EYS: variants seen among roughly 807,000 people sequenced by gnomAD.
EYS encodes protein eyes shut homolog.
EYS carries 250 observed loss-of-function variants against 282.1 expected under a neutral mutation model. The ratio of observed to expected loss-of-function variants is 0.89; its 90% confidence interval spans 0.80 to 0.98. EYS has a LOEUF of 0.98. EYS is among the 50% of genes least tolerant of loss of function. The pLI is 0.00. For missense variants in EYS, 4,016 were observed against 3,709.0 expected (o/e 1.08, Z -2.15); for synonymous variants, 1,355 against 1,282.9 (o/e 1.06, Z -1.20).
At chr6:65,065,658 C>T (rs1433098220) in intron 12 of EYS, among the ~76,000 whole-genome samples, 3 of 152,092 alleles carry the variant, frequency 2.0e-5, no homozygotes, top group African/African-American at 7.2e-5. Context: ...GCTGGGATTA[C>T]AGGCGTGAGC....
At chr6:63,743,362 T>C (rs1769131915) in intron 41 of EYS, among the ~76,000 whole-genome samples, 1 of 152,210 alleles carries the variant, frequency 6.6e-6, no homozygotes, top group Non-Finnish European at 1.5e-5. Flanking sequence ...AGAATTCTAA[T>C]TAGAATTCAA....
At position 65,641,131 on chromosome 6, in the gene EYS, TG is replaced by T. The variant is rs566757362; in HGVS notation, c.-447-1240del. Among the ~76,000 whole-genome samples the T allele has an allele frequency of 8.4e-4, 128 of 152,310 alleles. 1 individual carries two copies. Among genetic ancestry groups the T allele is most frequent in the African/African-American group, 2.5e-3 (102 of 41,564 alleles). On this transcript the variant is annotated intron_variant, in intron 1 of 42. Transcript: ENST00000503581. ...TTCCCTATATGCTTCCAGGTTATAG[TG>T]GGCCAAAATAGAAGTTGGTACATGA...
In EYS at chr6:64,782,760, T is replaced by C. The variant is rs145568260; in HGVS notation, c.3443+30618A>G. On this transcript the variant is annotated intron_variant, in intron 22 of 42. Coordinates refer to ENST00000503581, the MANE Select transcript of EYS (RefSeq NM_001142800.2). ...TAAAGTCCATATGTAAAAGAATAGT[T>C]TAAAGTTATGAAAATAGGCCAGTTC... 3.2e-3 allele frequency among the ~76,000 whole-genome samples: 486 copies of C among 152,338 alleles called. 3 individuals are homozygous for C. Among genetic ancestry groups the C allele is most frequent in the African/African-American group, 0.011 (456 of 41,584 alleles).
intron 12 of EYS, among the ~76,000 whole-genome samples, chr6:65,201,439 T>TA (rs1765898139): frequency 6.6e-6 from 1 of 152,168 alleles, no homozygotes; most frequent in Non-Finnish European, 1.5e-5. Flanking sequence ...GTTATAGTTT[T>TA]AATACTCTTC....
In EYS at chr6:65,427,469, A is replaced by G. The variant is rs562977469; in HGVS notation, c.863-22102T>C. 2.0e-5 allele frequency among the ~76,000 whole-genome samples: 3 copies of G among 152,180 alleles called. No individual in the cohort carries two copies. In the South Asian group the frequency reaches 6.2e-4, roughly 32 times the overall value. On this transcript the variant is annotated intron_variant, in intron 5 of 42. Coordinates refer to ENST00000503581, the MANE Select transcript of EYS (RefSeq NM_001142800.2). ...GTATTTTTGGTTAATATTATAAAAT[A>G]TTTCTCTTTAAATTGTGTTTTCAAT...
intron 26 of EYS, among the ~76,000 whole-genome samples, chr6:64,574,069 A>C (rs748381656): frequency 6.6e-6 from 1 of 152,246 alleles, no homozygotes; most frequent in African/African-American, 2.4e-5. Context: ...AATGTGGCAC[A>C]TATATACCAC....
intron 12 of EYS, among the ~76,000 whole-genome samples, chr6:65,249,832 G>T (rs1767275901): frequency 2.0e-5 from 3 of 152,000 alleles, no homozygotes; most frequent in South Asian, 4.1e-4. Flanking sequence ...CAACTTAAAA[G>T]CACTTACTTC....
At chr6:63,873,398 A>C (rs749889855) in intron 35 of EYS, among the ~76,000 whole-genome samples, 1 of 152,156 alleles carries the variant, frequency 6.6e-6, no homozygotes, top group Non-Finnish European at 1.5e-5. Flanking sequence ...AATCCAGTCT[A>C]TCATTGATGG....
intron 26 of EYS, among the ~76,000 whole-genome samples, chr6:64,504,788 A>T (rs1777162115): frequency 6.6e-6 from 1 of 152,210 alleles, no homozygotes; most frequent in Non-Finnish European, 1.5e-5. Flanking sequence ...CAGTTGAGAG[A>T]GAGAAGTTCC....
At chr6:65,572,518 T>C (rs1026322653) in intron 2 of EYS, among the ~76,000 whole-genome samples, 1 of 152,168 alleles carries the variant, frequency 6.6e-6, no homozygotes, top group African/African-American at 2.4e-5. Context: ...AAATTATATT[T>C]CTTTCTACTA....
intron 5 of EYS, among the ~76,000 whole-genome samples, chr6:65,470,584 T>G (rs1034216912): frequency 8.5e-5 from 13 of 152,184 alleles, no homozygotes; most frequent in Non-Finnish European, 1.6e-4. Context: ...ACAATAGATA[T>G]CACATTTAAA....
intron 33 of EYS, among the ~76,000 whole-genome samples, chr6:64,010,454 T>C (rs909250891): frequency 6.6e-6 from 1 of 152,152 alleles, no homozygotes; most frequent in Non-Finnish European, 1.5e-5. Flanking sequence ...AATTTCTCTT[T>C]TTAAATAGTA....
At chr6:64,974,698 C>G (rs563235211) in intron 14 of EYS, among the ~76,000 whole-genome samples, 1 of 151,952 alleles carries the variant, frequency 6.6e-6, no homozygotes, top group East Asian at 1.9e-4. Context: ...TGTGTGGATA[C>G]TTCTCTCTTA....
chr6:65,246,829 C>G (rs1767193251), intron 12 of EYS, among the ~76,000 whole-genome samples: 1 of 152,050 alleles, frequency 6.6e-6, no homozygotes, highest in Non-Finnish European at 1.5e-5. Context: ...TCTTTAAAAG[C>G]TATTATTTCA....
At chr6:64,066,701 C>T (rs1452220744) in intron 32 of EYS, among the ~76,000 whole-genome samples, 1 of 152,086 alleles carries the variant, frequency 6.6e-6, no homozygotes, top group Non-Finnish European at 1.5e-5. Context: ...ACAGCATTAA[C>T]TTGACATGAA....
At position 65,399,638 on chromosome 6, in the gene EYS, T is replaced by G. The variant is rs185627406; in HGVS notation, c.1184+2840A>C. ...ATAAAACTACTTGTATGGCTGAAGA[T>G]TAACCATTTAAAATATGTGAGCAAT... On this transcript the variant is annotated intron_variant, in intron 7 of 42. Coordinates refer to ENST00000503581, the MANE Select transcript of EYS (RefSeq NM_001142800.2). 4.1e-3 allele frequency among the ~76,000 whole-genome samples: 622 copies of G among 152,154 alleles called. 5 individuals are homozygous for G. Among genetic ancestry groups the G allele is most frequent in the African/African-American group, 0.014 (589 of 41,546 alleles).
intron 29 of EYS, among the ~76,000 whole-genome samples, chr6:64,329,138 G>C (rs1219175035): frequency 6.6e-6 from 1 of 152,084 alleles, no homozygotes; most frequent in Non-Finnish European, 1.5e-5. Flanking sequence ...TAGGAGGCTG[G>C]AAAAAGGACT....
chr6:65,512,562 A>G (rs1165028115), intron 2 of EYS, among the ~76,000 whole-genome samples: 1 of 152,068 alleles, frequency 6.6e-6, no homozygotes, highest in African/African-American at 2.4e-5. Context: ...TCACAAATGT[A>G]AAAGAACAGA....
chr6:64,338,377 C>T (rs1025647372), intron 29 of EYS, among the ~76,000 whole-genome samples: 1 of 151,208 alleles, frequency 6.6e-6, no homozygotes, highest in Non-Finnish European at 1.5e-5. Flanking sequence ...ACCCCTTTTA[C>T]AACAGCTGCA....
Sources: allele counts gnomAD v4.1 joint callset (sites outside exome capture counted in the v4.1 genomes callset), GRCh38; gene constraint gnomAD v4.1.1; transcripts MANE v1.5; gene names NCBI Gene and HGNC (gene_info 2026-07-23, HGNC 2026-07-21).